CNBD1: variants seen among roughly 807,000 people sequenced by gnomAD.
CNBD1 encodes the protein cyclic nucleotide binding domain containing 1.
CNBD1 carries 71 observed loss-of-function variants against 54.4 expected under a neutral mutation model. That is an observed-to-expected ratio of 1.30 (90% CI 1.08 to 1.59). The LOEUF (loss-of-function observed/expected upper bound fraction) is 1.59. CNBD1 is among the 40% of genes most tolerant of loss of function. CNBD1 has a pLI of 0.00. For missense variants in CNBD1, 659 were observed against 518.0 expected, an observed-to-expected ratio of 1.27 and a Z score of -2.64; for synonymous variants, 182 against 170.7, an observed-to-expected ratio of 1.07 and a Z score of -0.51.
intron 5 of CNBD1, among the ~76,000 whole-genome samples, chr8:87,214,363 C>T (rs2130803731): frequency 6.6e-6 from 1 of 152,262 alleles, no homozygotes; most frequent in East Asian, 1.9e-4. Context: ...GCAAGAGTCA[C>T]CTTTTCTCCA....
At chr8:87,248,036 T>C (rs1424512864) in intron 6 of CNBD1, among the ~76,000 whole-genome samples, 1 of 152,216 alleles carries the variant, frequency 6.6e-6, no homozygotes, top group Non-Finnish European at 1.5e-5. Flanking sequence ...TCCTGATGTG[T>C]AATCATTCAA....
intron 4 of CNBD1, among the ~76,000 whole-genome samples, chr8:87,200,224 G>A (rs1252518029): frequency 6.6e-6 from 1 of 152,000 alleles, no homozygotes; most frequent in Non-Finnish European, 1.5e-5. Flanking sequence ...CCAACCTGAG[G>A]GAAACTGTTA....
chr8:87,046,884 A>G (rs1175993834), intron 4 of CNBD1, among the ~76,000 whole-genome samples: 1 of 152,156 alleles, frequency 6.6e-6, no homozygotes, highest in East Asian at 1.9e-4. Flanking sequence ...TACTAGTATC[A>G]AATATCTTAC....
intron 4 of CNBD1, among the ~76,000 whole-genome samples, chr8:86,957,287 A>G (rs1042661486): frequency 1.3e-5 from 2 of 152,010 alleles, no homozygotes; most frequent in Non-Finnish European, 2.9e-5. Context: ...ATCTAAAATT[A>G]TGTTTTTTTT....
intron 4 of CNBD1, among the ~76,000 whole-genome samples, chr8:87,033,087 G>C (rs1407837425): frequency 1.3e-5 from 2 of 152,124 alleles, no homozygotes; most frequent in African/African-American, 4.8e-5. Context: ...GGAATTTATT[G>C]TTTCAGGCTT....
At chr8:87,032,099 A>G (rs1586210630) in intron 4 of CNBD1, among the ~76,000 whole-genome samples, 4 of 152,202 alleles carry the variant, frequency 2.6e-5, no homozygotes, top group Admixed American at 1.3e-4. Flanking sequence ...TTTGAAGACA[A>G]CATCTTTCTC....
At chr8:87,275,134 T>A (rs1484938770) in intron 6 of CNBD1, among the ~76,000 whole-genome samples, 1 of 138,478 alleles carries the variant, frequency 7.2e-6, no homozygotes, top group Non-Finnish European at 1.6e-5. Flanking sequence ...TTGATCTGTA[T>A]GTCTGTTTTG....
chr8:86,998,734 T>C (rs1021209144), intron 4 of CNBD1, among the ~76,000 whole-genome samples: 1 of 152,192 alleles, frequency 6.6e-6, no homozygotes, highest in African/African-American at 2.4e-5. Flanking sequence ...TTGAATGATT[T>C]GGAAATACAT....
At chr8:87,213,442 G>A (rs1240686203) in intron 5 of CNBD1, among the ~76,000 whole-genome samples, 1 of 152,154 alleles carries the variant, frequency 6.6e-6, no homozygotes, top group Non-Finnish European at 1.5e-5. Context: ...AAATCATGGT[G>A]GAGAGTGAAG....
At chr8:87,310,533 G>C (rs1396968173) in intron 8 of CNBD1, among the ~76,000 whole-genome samples, 1 of 152,076 alleles carries the variant, frequency 6.6e-6, no homozygotes, top group East Asian at 1.9e-4. Context: ...GGAAGAATCA[G>C]TATTGTTAAA....
intron 8 of CNBD1, among the ~76,000 whole-genome samples, chr8:87,341,423 G>A (rs969298016): frequency 2.6e-5 from 4 of 152,124 alleles, no homozygotes; most frequent in Admixed American, 6.5e-5. Flanking sequence ...TGGTTGCTGG[G>A]AGTTTTCTCT....
chr8:87,020,751 C>G (rs2130576047), intron 4 of CNBD1, among the ~76,000 whole-genome samples: 1 of 152,318 alleles, frequency 6.6e-6, no homozygotes, highest in South Asian at 2.1e-4. Flanking sequence ...TGGAAAGAAT[C>G]CACATTCTAT....
chr8:87,005,839 A>G (rs1245847973), intron 4 of CNBD1, among the ~76,000 whole-genome samples: 3 of 152,080 alleles, frequency 2.0e-5, no homozygotes, highest in African/African-American at 7.2e-5. Context: ...TGCTTATGGA[A>G]GAGCCTGGGA....
intron 4 of CNBD1, among the ~76,000 whole-genome samples, chr8:87,116,706 G>A (rs1219631711): frequency 6.6e-6 from 1 of 152,068 alleles, no homozygotes; most frequent in Non-Finnish European, 1.5e-5. Flanking sequence ...TTAATCTGAA[G>A]GCTTGAAATA....
intron 6 of CNBD1, among the ~76,000 whole-genome samples, chr8:87,275,985 T>G (rs1334638019): frequency 6.6e-6 from 1 of 151,690 alleles, no homozygotes; most frequent in African/African-American, 2.4e-5. Context: ...TCAAAGAGAA[T>G]AAAAAACCTA....
At chr8:87,425,395 C>G (rs1032916507) in intron 2 of CNBD1, among the ~76,000 whole-genome samples, 4 of 152,304 alleles carry the variant, frequency 2.6e-5, no homozygotes, top group African/African-American at 9.6e-5. Context: ...GAGAGGCGCT[C>G]TGATTTTTAG....
At chr8:87,321,478 T>A (rs2130899911) in intron 8 of CNBD1, among the ~76,000 whole-genome samples, 1 of 152,314 alleles carries the variant, frequency 6.6e-6, no homozygotes, top group South Asian at 2.1e-4. Context: ...ATACCTGTTC[T>A]ACATTTGGAT....
intron 4 of CNBD1, among the ~76,000 whole-genome samples, chr8:87,081,651 G>A (rs561298702): frequency 7.9e-5 from 12 of 151,680 alleles, no homozygotes; most frequent in South Asian, 6.3e-4. Flanking sequence ...GATAACAGGC[G>A]CGCCACCACA....
chr8:87,307,784 C>A (rs1809188375), intron 8 of CNBD1, among the ~76,000 whole-genome samples: 1 of 145,856 alleles, frequency 6.9e-6, no homozygotes, highest in African/African-American at 2.6e-5. Flanking sequence ...AAGGATATTG[C>A]AAGAAAGCTT....
Sources: gnomAD v4.1 joint callset for allele counts (sites outside exome capture counted in the v4.1 genomes callset) on GRCh38, gnomAD v4.1.1 for gene constraint, MANE v1.5 for transcripts, NCBI Gene and HGNC (gene_info 2026-07-23, HGNC 2026-07-21) for gene names.